Variants in CCDC91 observed in about 807,000 individuals in gnomAD.
CCDC91 encodes coiled-coil domain-containing protein 91.
In CCDC91, 48 loss-of-function variants were observed where a neutral mutation model predicts 63.2. The observed-to-expected ratio is 0.76, with a 90% CI of 0.60 to 0.97. The LOEUF (loss-of-function observed/expected upper bound fraction) is 0.97, where lower values mean the gene tolerates loss of function less well. Ranked by LOEUF, CCDC91 falls within the 50% of genes least tolerant of loss-of-function variation. CCDC91 has a pLI of 0.00. For missense variants in CCDC91, 500 were observed against 494.6 expected (o/e 1.01, Z -0.10); for synonymous variants, 167 against 165.8 (o/e 1.01, Z -0.06).
chr12:28,257,184 A>G lies in CCDC91; in HGVS notation c.-14-18A>G, dbSNP rs201007722. On this transcript the variant is annotated intron_variant, in intron 1 of 12. Transcript: ENST00000536442. ...ACTGTGTGTGTGCGGGCTTGTTTCA[A>G]TATCTTATATTTTTCAGGTGCCACT... The G allele has an allele frequency of 4.9e-5, 77 of 1,574,278 alleles. 1 individual carries two copies. Among genetic ancestry groups the G allele is most frequent in the Middle Eastern group, 1.7e-4 (1 of 5,990 alleles).
chr12:28,385,987 T>C (rs1945574393), intron 7 of CCDC91, among the ~76,000 whole-genome samples: 2 of 152,214 alleles, frequency 1.3e-5, no homozygotes, highest in Admixed American at 1.3e-4. Context: ...TATGAGTTTA[T>C]AATATACTTT....
chr12:28,434,699 T>C (rs1048116391), intron 8 of CCDC91, among the ~76,000 whole-genome samples: 7 of 148,728 alleles, frequency 4.7e-5, no homozygotes, highest in Admixed American at 6.8e-5. Context: ...GACAAAATTA[T>C]ATTGAATTAG....
At chr12:28,375,604 A>G (rs947230733) in intron 7 of CCDC91, among the ~76,000 whole-genome samples, 5 of 151,972 alleles carry the variant, frequency 3.3e-5, no homozygotes, top group African/African-American at 1.2e-4. Context: ...TCCCATGTTT[A>G]CTTAATTTTT....
At chr12:28,285,488 TAA>T (rs1412658695) in intron 3 of CCDC91, among the ~76,000 whole-genome samples, 1 of 151,954 alleles carries the variant, frequency 6.6e-6, no homozygotes, top group Non-Finnish European at 1.5e-5. Context: ...GAACAAATGT[TAA>T]GTCATATTAT....
chr12:28,349,200 A>T (rs1329329907), intron 6 of CCDC91, among the ~76,000 whole-genome samples: 2 of 151,956 alleles, frequency 1.3e-5, no homozygotes, highest in Non-Finnish European at 2.9e-5. Flanking sequence ...TTCCTATATA[A>T]TGTTTCTTCT....
At chr12:28,522,675 A>G (rs1206642818) in intron 12 of CCDC91, among the ~76,000 whole-genome samples, 1 of 152,032 alleles carries the variant, frequency 6.6e-6, no homozygotes, top group Admixed American at 6.6e-5. Context: ...TAGGGTGTCA[A>G]TTTTAGATCT....
chr12:28,277,463 C>G (rs575277776), intron 3 of CCDC91, among the ~76,000 whole-genome samples: 1 of 152,038 alleles, frequency 6.6e-6, no homozygotes, highest in South Asian at 2.1e-4. Flanking sequence ...GTTGAACATC[C>G]CAAATCCAAA....
intron 6 of CCDC91, among the ~76,000 whole-genome samples, chr12:28,360,477 C>T (rs1368697274): frequency 6.6e-6 from 1 of 152,106 alleles, no homozygotes; most frequent in East Asian, 1.9e-4. Flanking sequence ...CTTCTGCTGT[C>T]ATCTTAGGCA....
chr12:28,373,061 A>G (rs1433417368), intron 7 of CCDC91, among the ~76,000 whole-genome samples: 3 of 152,124 alleles, frequency 2.0e-5, no homozygotes, highest in Non-Finnish European at 4.4e-5. Context: ...TCTCCTAACA[A>G]TTAATTTGTG....
rs75433080 is a variant in CCDC91 at position 28,456,770 on chromosome 12, G to A, written c.1101+4116G>A. On this transcript the variant is annotated intron_variant, in intron 11 of 12. Transcript: ENST00000536442. The stretch of plus-strand genomic sequence containing the variant: ...AAAATCTAATTTGTGTGTATTAAAT[G>A]TGTGATGCTTATTCATGAGCCTAGA... Among the ~76,000 whole-genome samples, 611 of 152,214 alleles carry A rather than the reference G, an allele frequency of 4.0e-3. 7 individuals carry two copies. Among genetic ancestry groups the A allele is most frequent in the African/African-American group, 0.014 (581 of 41,532 alleles).
At chr12:28,509,540 G>C (rs541434962) in intron 12 of CCDC91, among the ~76,000 whole-genome samples, 1 of 151,788 alleles carries the variant, frequency 6.6e-6, no homozygotes, top group Non-Finnish European at 1.5e-5. Context: ...CTTATTTCTG[G>C]ATGAAAACAT....
chr12:28,225,473 A>G (rs972478541), intron 1 of CCDC91, among the ~76,000 whole-genome samples: 4 of 151,472 alleles, frequency 2.6e-5, no homozygotes, highest in Non-Finnish European at 5.9e-5. Flanking sequence ...TTTTTGAGAC[A>G]GAGTTTCACT....
At chr12:28,522,055 A>C (rs926042403) in intron 12 of CCDC91, among the ~76,000 whole-genome samples, 7 of 152,142 alleles carry the variant, frequency 4.6e-5, no homozygotes, top group African/African-American at 9.7e-5. Flanking sequence ...TGTCTCTGCC[A>C]GGCTTTGGTA....
intron 1 of CCDC91, among the ~76,000 whole-genome samples, chr12:28,235,542 A>T (rs1324812657): frequency 6.6e-6 from 1 of 151,940 alleles, no homozygotes; most frequent in Non-Finnish European, 1.5e-5. Context: ...TCTATTTATT[A>T]ATCCAACTCT....
intron 7 of CCDC91, among the ~76,000 whole-genome samples, chr12:28,370,441 C>T (rs1354820656): frequency 1.3e-5 from 2 of 152,208 alleles, no homozygotes; most frequent in Non-Finnish European, 2.9e-5. Context: ...TCTGAGACCA[C>T]CTCAGCGTGG....
intron 6 of CCDC91, among the ~76,000 whole-genome samples, chr12:28,332,396 A>T (rs1444706796): frequency 6.6e-6 from 1 of 152,190 alleles, no homozygotes; most frequent in Non-Finnish European, 1.5e-5. Flanking sequence ...GGAGATTCAG[A>T]AAAGAGCATC....
chr12:28,483,907 C>G, intron 11 of CCDC91, 145 bp from the exon 12 acceptor site: 2 of 488,492 alleles, frequency 4.1e-6, no homozygotes, highest in Non-Finnish European at 7.4e-6. Context: ...GCAAAAGATT[C>G]TGTAAGTTCT....
intron 12 of CCDC91, among the ~76,000 whole-genome samples, chr12:28,532,154 T>G (rs1186687695): frequency 6.6e-6 from 1 of 151,894 alleles, no homozygotes; most frequent in African/African-American, 2.4e-5. Context: ...TGAGAAAAGG[T>G]AAGGAGAACA....
At chr12:28,462,565 A>G (rs1262187370) in intron 11 of CCDC91, among the ~76,000 whole-genome samples, 3 of 152,032 alleles carry the variant, frequency 2.0e-5, no homozygotes. Context: ...CAAGAAATGT[A>G]ATATGTAGTC....
Sources: gnomAD v4.1 joint callset for allele counts (sites outside exome capture counted in the v4.1 genomes callset) on GRCh38, gnomAD v4.1.1 for gene constraint, MANE v1.5 for transcripts, NCBI Gene and HGNC (gene_info 2026-07-23, HGNC 2026-07-21) for gene names.